Variants in SLC9C2 observed in about 807,000 individuals in gnomAD.
SLC9C2 encodes solute carrier family 9 member C2 (putative).
A neutral mutation model predicts 140.2 loss-of-function variants in SLC9C2; 75 were observed. The observed-to-expected ratio is 0.53, with a 90% confidence interval of 0.44 to 0.65. The LOEUF is 0.65. SLC9C2 is among the 30% of genes least tolerant of loss of function. The pLI is 0.00. For synonymous variants in SLC9C2, 375 were observed against 420.9 expected, an observed-to-expected ratio of 0.89 and a Z score of 1.34; for missense variants, 1,074 against 1,331.8, an observed-to-expected ratio of 0.81 and a Z score of 3.01.
chr1:173,556,117 A>G (rs1284072410), intron 10 of SLC9C2, among the ~76,000 whole-genome samples: 1 of 152,210 alleles, frequency 6.6e-6, no homozygotes, highest in East Asian at 1.9e-4. Flanking sequence ...ATATCATTCA[A>G]GCGGTTTTCC....
intron 4 of SLC9C2, among the ~76,000 whole-genome samples, chr1:173,591,554 T>C (rs945509720): frequency 6.6e-6 from 1 of 152,200 alleles, no homozygotes; most frequent in East Asian, 1.9e-4. Flanking sequence ...TTTTGACTTT[T>C]TAATAACAGC....
At chr1:173,522,385 T>C (rs1420523008) in intron 21 of SLC9C2, among the ~76,000 whole-genome samples, 1 of 151,954 alleles carries the variant, frequency 6.6e-6, no homozygotes, top group African/African-American at 2.4e-5. Context: ...ATATGCAAAA[T>C]CCAGAAGCAA....
intron 25 of SLC9C2, among the ~76,000 whole-genome samples, chr1:173,506,603 G>A (rs770924342): frequency 2.0e-5 from 3 of 152,286 alleles, no homozygotes; most frequent in South Asian, 2.1e-4. Context: ...ACAGCCCCAC[G>A]CCAGGGCAAA....
intron 10 of SLC9C2, among the ~76,000 whole-genome samples, chr1:173,555,927 A>G (rs1302484325): frequency 6.6e-6 from 1 of 152,208 alleles, no homozygotes; most frequent in Non-Finnish European, 1.5e-5. Context: ...CACATGCAAG[A>G]TGGAGAGGTC....
At chr1:173,532,027 T>C (rs1263211806) in intron 17 of SLC9C2, among the ~76,000 whole-genome samples, 1 of 152,172 alleles carries the variant, frequency 6.6e-6, no homozygotes, top group East Asian at 1.9e-4. Flanking sequence ...GAATCAAAAT[T>C]ACCCTTTAAA....
intron 3 of SLC9C2, among the ~76,000 whole-genome samples, 175 bp downstream of exon 3, chr1:173,599,942 A>C (rs954082971): frequency 5.9e-5 from 9 of 151,960 alleles, no homozygotes; most frequent in Non-Finnish European, 2.9e-5. Flanking sequence ...AAGTTTCCCT[A>C]ATTGATGTGT....
chr1:173,529,074 G>C (rs1047254422), intron 18 of SLC9C2, among the ~76,000 whole-genome samples: 2 of 152,006 alleles, frequency 1.3e-5, no homozygotes, highest in Non-Finnish European at 2.9e-5. Context: ...AGATCAAAAA[G>C]TAATTGTCAA....
intron 23 of SLC9C2, 34 bp downstream of exon 23, chr1:173,517,503 T>C: frequency 3.9e-6 from 6 of 1,519,462 alleles, no homozygotes; most frequent in Non-Finnish European, 5.3e-6. Context: ...ACTTGAAGAA[T>C]AATTAATAAC....
intron 4 of SLC9C2, among the ~76,000 whole-genome samples, chr1:173,590,703 T>C (rs1282171871): frequency 6.6e-6 from 1 of 152,170 alleles, no homozygotes; most frequent in Non-Finnish European, 1.5e-5. Flanking sequence ...ATGTTCTATC[T>C]GATAACAGAG....
intron 25 of SLC9C2, among the ~76,000 whole-genome samples, chr1:173,506,290 C>G (rs1247789026): frequency 2.0e-5 from 3 of 152,218 alleles, no homozygotes; most frequent in African/African-American, 7.2e-5. Flanking sequence ...CCTCCCCATT[C>G]CTTTGCCCAG....
At chr1:173,579,343 T>C (rs921706882) in intron 7 of SLC9C2, among the ~76,000 whole-genome samples, 16 of 152,306 alleles carry the variant, frequency 1.1e-4, no homozygotes, top group African/African-American at 3.4e-4. Flanking sequence ...ACGAAAGCCA[T>C]CCTTGAAATC....
At chr1:173,595,628 T>C (rs1257138975) in intron 4 of SLC9C2, among the ~76,000 whole-genome samples, 1 of 151,806 alleles carries the variant, frequency 6.6e-6, no homozygotes, top group Non-Finnish European at 1.5e-5. Context: ...CACCAAAAAA[T>C]AGAACATAAA....
Position 173,533,647 on chromosome 1 carries a change from C to T in SLC9C2, c.2125G>A (p.Gly709Arg). The T allele has an allele frequency of 6.2e-7, 1 of 1,601,346 alleles. No individual in the cohort carries two copies. The highest frequency in any genetic ancestry group is 8.5e-7 in the Non-Finnish European group (1 of 1,174,220). The part of the protein sequence containing the change: ...LALIQLTVIM[G>R]YLRIIRFLPL... Reference sequence around the variant, plus strand: ...AGAAACCTAATTATTCTTAAATATCCCATTATTACTGTAAGCTGTATAAGA... The same window carrying T: ...AGAAACCTAATTATTCTTAAATATCTCATTATTACTGTAAGCTGTATAAGA... The change falls in exon 17 of 28, where the codon GGA (glycine) becomes AGA (arginine). Residue 709 changes from glycine (G) to arginine (R), a missense_variant. Physicochemically the swap from Gly to Arg is moderately radical, Grantham distance 125. Coordinates refer to ENST00000367714, the MANE Select transcript of SLC9C2 (RefSeq NM_178527.4).
rs58355008 is a variant in SLC9C2 at position 173,521,885 on chromosome 1, CAAAAAAAA to C, written c.2641-494_2641-487del. Reference sequence around the variant, plus strand: ...AAGAAGACAGGGACAGGGCGCTATGCAAAAAAAAAAAAAAAAAAAAAAATGCAGAAAAG... The same window carrying C: ...AAGAAGACAGGGACAGGGCGCTATGCAAAAAAAAAAAAAAATGCAGAAAAG... On this transcript the variant is annotated intron_variant, in intron 21 of 27. Transcript: ENST00000367714. Among the ~76,000 whole-genome samples the C allele has an allele frequency of 1.2e-4, 9 of 76,940 alleles. No homozygotes were observed. The East Asian group carries it at 1.4e-3, about 12-fold the overall frequency. The allele number at this position is 76,940 out of a possible 152,430, so 50.5% of individuals were successfully genotyped here.
chr1:173,553,258 A>G (rs1426597861), intron 11 of SLC9C2, among the ~76,000 whole-genome samples: 1 of 152,246 alleles, frequency 6.6e-6, no homozygotes, highest in African/African-American at 2.4e-5. Context: ...CTCCTGGTGA[A>G]GATGCTGTGA....
intron 4 of SLC9C2, 131 bp downstream of exon 4, chr1:173,597,773 T>C (rs1311193694): frequency 2.1e-6 from 2 of 932,748 alleles, no homozygotes; most frequent in African/African-American, 3.4e-5. Context: ...AGTAGTTCTA[T>C]AGAATGAAGA....
chr1:173,548,391 G>C lies in SLC9C2; in HGVS notation c.1459C>G (p.Pro487Ala). The change falls in exon 12 of 28, where the codon CCT becomes GCT. Residue 487 changes from proline to alanine, a missense_variant and splice_region_variant. Physicochemically the swap from Pro to Ala is conservative, Grantham distance 27 (BLOSUM62 -1). Coordinates refer to ENST00000367714, the MANE Select transcript of SLC9C2 (RefSeq NM_178527.4). Reference sequence around the variant, plus strand: ...CTTTTTGCCAGGTATCAACTCACAGGAATGTATTCGATCCTCGTTTTATCT... The same window carrying C: ...CTTTTTGCCAGGTATCAACTCACAGCAATGTATTCGATCCTCGTTTTATCT... ...VEDKTRIEYI[P>A]FSHVSHNDMK... is the part of the protein sequence containing the mutation. 2 of 1,611,578 alleles carry C rather than the reference G, an allele frequency of 1.2e-6. No homozygotes were observed. The highest frequency in any genetic ancestry group is 1.7e-6 in the Non-Finnish European group (2 of 1,179,046).
At chr1:173,536,276 C>T (rs546105682) in intron 14 of SLC9C2, among the ~76,000 whole-genome samples, 36 of 152,292 alleles carry the variant, frequency 2.4e-4, no homozygotes, top group African/African-American at 8.4e-4. Context: ...TCTAACTTTC[C>T]CAAACTTTAT....
chr1:173,520,225 GC>G (rs1405572906), intron 22 of SLC9C2, among the ~76,000 whole-genome samples: 1 of 152,054 alleles, frequency 6.6e-6, no homozygotes. Flanking sequence ...ATGCCACCAT[GC>G]CCGGCTAATT....
Sources: allele counts gnomAD v4.1 joint callset (sites outside exome capture counted in the v4.1 genomes callset), GRCh38; gene constraint gnomAD v4.1.1; transcripts MANE v1.5; gene names NCBI Gene and HGNC (gene_info 2026-07-23, HGNC 2026-07-21).